Variants in MAP3K5 observed in about 807,000 individuals in gnomAD.
The protein encoded by MAP3K5 is mitogen-activated protein kinase kinase kinase 5.
Under a neutral mutation model 158.7 loss-of-function variants are expected in MAP3K5, and 56 were observed. The observed-to-expected ratio is 0.35, with a 90% confidence interval of 0.28 to 0.44. MAP3K5 has a LOEUF of 0.44. Among genes scored for constraint, MAP3K5 ranks in the 20% least tolerant of loss-of-function variants. The pLI is 1.00. For missense variants in MAP3K5, 1,294 were observed against 1,674.8 expected (o/e 0.77, Z 3.97); for synonymous variants, 579 against 601.7 (o/e 0.96, Z 0.55).
intron 1 of MAP3K5, among the ~76,000 whole-genome samples, chr6:136,766,760 C>T (rs567778139): frequency 3.1e-4 from 47 of 152,266 alleles, no homozygotes; most frequent in African/African-American, 1.1e-3. Context: ...ATGTACTCTG[C>T]AAAACACAGG....
At chr6:136,590,050 T>C (rs528838685) in intron 23 of MAP3K5, among the ~76,000 whole-genome samples, 1 of 152,340 alleles carries the variant, frequency 6.6e-6, no homozygotes, top group African/African-American at 2.4e-5. Context: ...GCAGTTAATG[T>C]AGTTCTCAAC....
chr6:136,745,164 T>TG (rs1782882007), intron 1 of MAP3K5, among the ~76,000 whole-genome samples: 2 of 147,708 alleles, frequency 1.4e-5, no homozygotes, highest in African/African-American at 5.2e-5. Flanking sequence ...TTTTTTTTTT[T>TG]TGAGCAACTT....
chr6:136,559,853 A>T (rs1393136269), intron 28 of MAP3K5, among the ~76,000 whole-genome samples: 1 of 152,184 alleles, frequency 6.6e-6, no homozygotes, highest in East Asian at 1.9e-4. Context: ...TTTAAACCAA[A>T]TAAAAAGGGT....
intron 1 of MAP3K5, among the ~76,000 whole-genome samples, chr6:136,761,073 G>T (rs959648417): frequency 6.6e-6 from 1 of 152,130 alleles, no homozygotes; most frequent in African/African-American, 2.4e-5. Flanking sequence ...AGCTATTTAT[G>T]AGGAAGTGGG....
chr6:136,663,177 G>GT (rs11401595), intron 8 of MAP3K5, among the ~76,000 whole-genome samples: 150,559 of 152,336 alleles, frequency 0.99, 74,407 homozygotes, highest in East Asian at 1. Flanking sequence ...GCCCAGAGAG[G>GT]ATTGCAACAT....
intron 1 of MAP3K5, among the ~76,000 whole-genome samples, chr6:136,735,619 C>T (rs961846551): frequency 4.6e-5 from 7 of 152,004 alleles, no homozygotes; most frequent in Non-Finnish European, 8.8e-5. Context: ...CGCTTGAGTT[C>T]GGGAGTTTGA....
chr6:136,736,602 T>C (rs1202039534), intron 1 of MAP3K5, among the ~76,000 whole-genome samples: 1 of 152,234 alleles, frequency 6.6e-6, no homozygotes, highest in African/African-American at 2.4e-5. Flanking sequence ...TGGACTTCAC[T>C]GACTATAATG....
At chr6:136,631,261 C>T (rs1777339302) in intron 14 of MAP3K5, among the ~76,000 whole-genome samples, 1 of 152,264 alleles carries the variant, frequency 6.6e-6, no homozygotes, top group Non-Finnish European at 1.5e-5. Flanking sequence ...AATTGATACT[C>T]ATATCATACA....
intron 1 of MAP3K5, among the ~76,000 whole-genome samples, chr6:136,742,817 C>T (rs555833288): frequency 5.3e-5 from 8 of 152,252 alleles, no homozygotes; most frequent in Admixed American, 5.2e-4. Flanking sequence ...AGAAAACAAA[C>T]GATGAGATTA....
chr6:136,696,435 G>A (rs1780602853), intron 5 of MAP3K5, among the ~76,000 whole-genome samples: 1 of 152,136 alleles, frequency 6.6e-6, no homozygotes, highest in Admixed American at 6.6e-5. Context: ...AGGACATGAG[G>A]CAATGGGTTG....
At chr6:136,732,419 C>T (rs970225541) in intron 1 of MAP3K5, among the ~76,000 whole-genome samples, 7 of 151,924 alleles carry the variant, frequency 4.6e-5, no homozygotes, top group South Asian at 2.1e-4. Context: ...AGCGAGGCTC[C>T]GTCTCAAACA....
intron 14 of MAP3K5, among the ~76,000 whole-genome samples, chr6:136,629,576 T>A (rs1259606999): frequency 2.6e-5 from 4 of 151,418 alleles, no homozygotes; most frequent in Admixed American, 2.6e-4. Flanking sequence ...TGCCTCAGCC[T>A]CCCGAGCAGC....
At chr6:136,720,379 G>A in intron 2 of MAP3K5, 71 bp downstream of exon 2, 2 of 1,362,120 alleles carry the variant, frequency 1.5e-6, no homozygotes, top group Non-Finnish European at 2.0e-6. Context: ...TACTTAAAAT[G>A]TTTGGATGAC....
intron 7 of MAP3K5, among the ~76,000 whole-genome samples, chr6:136,671,624 T>C (rs754901806): frequency 2.0e-5 from 3 of 152,200 alleles, no homozygotes; most frequent in Non-Finnish European, 4.4e-5. Flanking sequence ...TGTTTGTTTG[T>C]TTCTTTGAGA....
intron 24 of MAP3K5, among the ~76,000 whole-genome samples, chr6:136,582,008 G>A (rs916091229): frequency 9.9e-5 from 15 of 151,982 alleles, no homozygotes; most frequent in Admixed American, 5.9e-4. Flanking sequence ...GCTTGAACCC[G>A]GGAGGCAGAG....
At chr6:136,722,761 T>G (rs951871766) in intron 1 of MAP3K5, among the ~76,000 whole-genome samples, 5 of 150,520 alleles carry the variant, frequency 3.3e-5, no homozygotes, top group Non-Finnish European at 7.4e-5. Flanking sequence ...TCACTATATA[T>G]GCACAGCCTC....
At chr6:136,627,965 C>T (rs1777122476) in intron 14 of MAP3K5, among the ~76,000 whole-genome samples, 1 of 152,070 alleles carries the variant, frequency 6.6e-6, no homozygotes, top group African/African-American at 2.4e-5. Flanking sequence ...GTAGTAGATG[C>T]TCAGTAATTA....
At chr6:136,759,465 T>C (rs1783644800) in intron 1 of MAP3K5, among the ~76,000 whole-genome samples, 1 of 140,446 alleles carries the variant, frequency 7.1e-6, no homozygotes, top group African/African-American at 2.6e-5. Flanking sequence ...TATATATATA[T>C]ATATATATAT....
At chr6:136,614,462 G>C in intron 15 of MAP3K5, among the ~76,000 whole-genome samples, 176 bp from the exon 16 acceptor site, 1 of 152,104 alleles carries the variant, frequency 6.6e-6, no homozygotes, top group East Asian at 1.9e-4. Flanking sequence ...GGTGTGGTAG[G>C]ATCTGAGGGG....
Sources: allele counts gnomAD v4.1 joint callset (sites outside exome capture counted in the v4.1 genomes callset), GRCh38; gene constraint gnomAD v4.1.1; transcripts MANE v1.5; gene names NCBI Gene and HGNC (gene_info 2026-07-23, HGNC 2026-07-21).